The following EFNA5 variants were observed in gnomAD, a reference collection of about 807,000 sequenced individuals.
EFNA5 encodes the protein ephrin A5, also known as ephrin-A5.
EFNA5 carries 5 observed loss-of-function variants against 22.9 expected under a neutral mutation model. That is an observed-to-expected ratio of 0.22 (90% CI 0.11 to 0.46). EFNA5 has a LOEUF of 0.46. EFNA5 is among the 20% of genes least tolerant of loss of function. The pLI is 0.99. For missense variants in EFNA5, 237 were observed against 293.3 expected, an observed-to-expected ratio of 0.81 and a Z score of 1.40; for synonymous variants, 113 against 112.2, an observed-to-expected ratio of 1.01 and a Z score of -0.04.
At chr5:107,607,436 T>C (rs570394237) in intron 1 of EFNA5, among the ~76,000 whole-genome samples, 2 of 152,364 alleles carry the variant, frequency 1.3e-5, no homozygotes, top group African/African-American at 4.8e-5. Context: ...TTAAAAAACC[T>C]GTTTTAAGAC....
chr5:107,429,589 C>T (rs551390764), intron 1 of EFNA5, among the ~76,000 whole-genome samples: 1 of 152,298 alleles, frequency 6.6e-6, no homozygotes, highest in Admixed American at 6.5e-5. Context: ...GATTTAAGAA[C>T]TGGATCTGCT....
At chr5:107,489,316 G>T (rs1170996627) in intron 1 of EFNA5, among the ~76,000 whole-genome samples, 1 of 152,040 alleles carries the variant, frequency 6.6e-6, no homozygotes, top group African/African-American at 2.4e-5. Context: ...TGGGATTACA[G>T]GCACGTGCCA....
intron 1 of EFNA5, among the ~76,000 whole-genome samples, chr5:107,591,970 A>G (rs1214311609): frequency 4.2e-5 from 1 of 24,000 alleles, no homozygotes; most frequent in African/African-American, 3.2e-4. Context: ...TATATATAAT[A>G]TATATAATAT....
At chr5:107,565,983 A>T (rs1376893133) in intron 1 of EFNA5, among the ~76,000 whole-genome samples, 2 of 152,212 alleles carry the variant, frequency 1.3e-5, no homozygotes, top group African/African-American at 4.8e-5. Context: ...GGGCTTTGCT[A>T]TTGTCCCTCA....
intron 1 of EFNA5, among the ~76,000 whole-genome samples, chr5:107,547,686 T>A (rs1330348898): frequency 7.4e-6 from 1 of 135,296 alleles, no homozygotes; most frequent in African/African-American, 2.9e-5. Context: ...TGAAGTCCCT[T>A]GTTATTTTTA....
chr5:107,490,125 A>T (rs1746761574), intron 1 of EFNA5, among the ~76,000 whole-genome samples: 1 of 152,196 alleles, frequency 6.6e-6, no homozygotes, highest in African/African-American at 2.4e-5. Context: ...GGATTATGTT[A>T]TTCCTTGATG....
chr5:107,622,928 G>A (rs1266726472), intron 1 of EFNA5, among the ~76,000 whole-genome samples: 3 of 148,172 alleles, frequency 2.0e-5, no homozygotes, highest in African/African-American at 7.5e-5. Context: ...GGCTGAGGCA[G>A]GAGAATGGCG....
chr5:107,381,018 G>A lies in EFNA5; in HGVS notation c.*237C>T. 1 of 324,614 alleles carries A rather than the reference G, an allele frequency of 3.1e-6. No homozygotes were observed. The highest frequency in any genetic ancestry group is 5.6e-6 in the Non-Finnish European group (1 of 178,266). The allele number at this position is 324,614 out of a possible 1,614,324, so 20.1% of individuals were successfully genotyped here. On this transcript the variant is annotated 3_prime_UTR_variant, in exon 5 of 5. Coordinates refer to ENST00000333274, the MANE Select transcript of EFNA5 (RefSeq NM_001962.3). The stretch of plus-strand genomic sequence containing the variant: ...GGAGTCCATTTAATTTGGGAGGGGT[G>A]AGAGAAGCCAAGGGCCAGGGCTGGG...
intron 1 of EFNA5, among the ~76,000 whole-genome samples, chr5:107,530,614 T>C (rs988552479): frequency 1.3e-5 from 2 of 152,190 alleles, no homozygotes; most frequent in Non-Finnish European, 2.9e-5. Context: ...CAAATGAACA[T>C]ACCAAATTTA....
At chr5:107,403,538 C>G (rs896747051) in intron 2 of EFNA5, among the ~76,000 whole-genome samples, 1 of 152,136 alleles carries the variant, frequency 6.6e-6, no homozygotes, top group South Asian at 2.1e-4. Flanking sequence ...AGTGTAGTAG[C>G]CTTCTACTGC....
At position 107,398,397 on chromosome 5, in the gene EFNA5, T is replaced by C. The variant is rs1747985580; in HGVS notation, c.419-10626A>G. ...TCTGTTTTGTTTTAGAACTGGTTAA[T>C]ACATCTTATCTCTGCTACTAGAGTT... is the stretch of plus-strand genomic sequence containing the variant. On this transcript the variant is annotated intron_variant, in intron 2 of 4. Transcript: ENST00000333274. 2.0e-5 allele frequency among the ~76,000 whole-genome samples: 3 copies of C among 152,146 alleles called. No individual in the cohort carries two copies. The South Asian group carries it at 6.2e-4, about 32-fold the overall frequency.
intron 1 of EFNA5, among the ~76,000 whole-genome samples, chr5:107,527,283 C>CT (rs1169665778): frequency 7.4e-6 from 1 of 135,190 alleles, no homozygotes; most frequent in African/African-American, 3.2e-5. Context: ...ACCTTTTTTT[C>CT]TTTTTTCTTT....
chr5:107,562,216 G>C (rs2112478302), intron 1 of EFNA5, among the ~76,000 whole-genome samples: 1 of 152,158 alleles, frequency 6.6e-6, no homozygotes, highest in African/African-American at 2.4e-5. Flanking sequence ...AAAAAATTTT[G>C]CCACAATGTT....
chr5:107,554,448 T>TGG (rs1554066260), intron 1 of EFNA5, among the ~76,000 whole-genome samples: 2 of 152,164 alleles, frequency 1.3e-5, no homozygotes, highest in Non-Finnish European at 1.5e-5. Flanking sequence ...GACACTGATA[T>TGG]GGGAAAAATT....
intron 1 of EFNA5, among the ~76,000 whole-genome samples, chr5:107,593,646 C>T (rs1262241239): frequency 3.3e-5 from 5 of 152,148 alleles, no homozygotes; most frequent in Admixed American, 3.3e-4. Flanking sequence ...TAGCATCACC[C>T]TCACCCAAGG....
intron 1 of EFNA5, among the ~76,000 whole-genome samples, chr5:107,509,653 C>T (rs1305025087): frequency 6.6e-6 from 1 of 151,850 alleles, no homozygotes; most frequent in East Asian, 1.9e-4. Context: ...CTTTTTACAC[C>T]CCTTAAAAAT....
At chr5:107,522,545 C>T (rs368143120) in intron 1 of EFNA5, among the ~76,000 whole-genome samples, 37 of 152,212 alleles carry the variant, frequency 2.4e-4, no homozygotes, top group African/African-American at 8.2e-4. Flanking sequence ...ATTATAGGCA[C>T]GTGCCACCAC....
At chr5:107,541,315 T>C (rs1344418723) in intron 1 of EFNA5, among the ~76,000 whole-genome samples, 1 of 152,112 alleles carries the variant, frequency 6.6e-6, no homozygotes, top group Non-Finnish European at 1.5e-5. Flanking sequence ...GAAAGTTAAT[T>C]TATCAGAATG....
chr5:107,567,765 A>G (rs352612), intron 1 of EFNA5, among the ~76,000 whole-genome samples: 28,964 of 152,240 alleles, frequency 0.19, 3,056 homozygotes, highest in African/African-American at 0.24. Flanking sequence ...GTCTATATGC[A>G]TTTCTAGGAT....
Sources: allele counts gnomAD v4.1 joint callset (sites outside exome capture counted in the v4.1 genomes callset), GRCh38; gene constraint gnomAD v4.1.1; transcripts MANE v1.5; gene names NCBI Gene and HGNC (gene_info 2026-07-23, HGNC 2026-07-21).